The following FLNC variants were observed in gnomAD, a reference collection of about 807,000 sequenced individuals.
FLNC encodes the protein filamin-C.
A neutral mutation model predicts 254.3 loss-of-function variants in FLNC; 91 were observed. The ratio of observed to expected loss-of-function variants is 0.36; its 90% confidence interval spans 0.30 to 0.43. FLNC has a LOEUF of 0.43. Among genes scored for constraint, FLNC ranks in the 20% least tolerant of loss-of-function variants. The probability of loss-of-function intolerance (pLI) is 1.00; values close to 1 mark genes in which losing one functional copy is unlikely to be tolerated. For synonymous variants in FLNC, 1,430 were observed against 1,577.2 expected (o/e 0.91, Z 2.21); for missense variants, 2,853 against 3,802.6 (o/e 0.75, Z 6.57).
chr7:128,854,553 G>C lies in FLNC; in HGVS notation c.6868G>C (p.Val2290Leu). 6.2e-7 allele frequency: 1 copy of C among 1,607,992 alleles called. No homozygotes were observed. Residue 2290 changes from valine to leucine, a missense_variant, in exon 41 of 48, where the codon GTC becomes CTC. By Grantham distance (32) the Val-to-Leu change is conservative. Around this residue, in one of 10 missense-constraint regions of FLNC, gnomAD observed 551 missense variants for 835.0 expected, o/e 0.66. Transcript: ENST00000325888. ...PQEMGPHTVA[V>L]KYRGQHVPGS... Reference sequence around the variant, plus strand: ...GGAAATGGGGCCCCATACGGTCGCTGTCAAGTACCGTGGCCAGCACGTGCC... The same window carrying C: ...GGAAATGGGGCCCCATACGGTCGCTCTCAAGTACCGTGGCCAGCACGTGCC...
Position 128,842,514 on chromosome 7 carries a change from G to T in FLNC, c.2266-61G>T. On this transcript the variant is annotated intron_variant, in intron 14 of 47. Transcript: ENST00000325888. This position sits in a 1 kb window ranked among gnomAD's most constrained non-coding sequence, Gnocchi z 5.4. ...GTGCCACTGAGGCTGGGCCGGGTGC[G>T]CTGGGCAGGAGGATGAGCCTTGAGG... is the stretch of plus-strand genomic sequence containing the variant. 2 of 1,552,248 alleles carry T rather than the reference G, an allele frequency of 1.3e-6. No individual in the cohort carries two copies. Among genetic ancestry groups the T allele is most frequent in the Non-Finnish European group, 1.7e-6 (2 of 1,148,154 alleles).
chr7:128,843,607 C>G (rs369532954), intron 18 of FLNC, 30 bp downstream of exon 18: 6 of 1,612,738 alleles, frequency 3.7e-6, no homozygotes, highest in Non-Finnish European at 5.1e-6. Context: ...TGCTACCGCC[C>G]GGCCGGCCCG....
In FLNC at chr7:128,844,375, G is replaced by A. The variant is rs1000259870; in HGVS notation, c.3192+109G>A. On this transcript the variant is annotated intron_variant, in intron 20 of 47. Transcript: ENST00000325888. The stretch of plus-strand genomic sequence containing the variant: ...GACTTATGTGCCTGGAGTGGGCACA[G>A]CCAAGGGTGTGGGGCTGAGGCCAGC... 2.4e-5 allele frequency: 33 copies of A among 1,348,648 alleles called. No homozygotes were observed. In the African/African-American group the frequency reaches 4.2e-4, roughly 17 times the overall value. The allele number at this position is 1,348,648 out of a possible 1,614,324, so 83.5% of individuals were successfully genotyped here. A position where few individuals can be genotyped will look rare whatever the true frequency, so the allele number is the denominator to read the frequency against.
intron 8 of FLNC, 101 bp downstream of exon 8, chr7:128,838,904 C>A: frequency 1.9e-6 from 2 of 1,064,876 alleles, no homozygotes; most frequent in Non-Finnish European, 2.8e-6. Flanking sequence ...GAGACCCCCT[C>A]CCTGAGTCCT....
intron 3 of FLNC, 31 bp from the exon 4 acceptor site, chr7:128,837,367 C>T (rs755329347): frequency 1.9e-5 from 31 of 1,613,552 alleles, no homozygotes; most frequent in Non-Finnish European, 2.3e-5. Flanking sequence ...GAAAAGAGGG[C>T]GCCATGTGAC....
At chr7:128,850,590 G>C in intron 32 of FLNC, 107 bp downstream of exon 32, 3 of 1,199,610 alleles carry the variant, frequency 2.5e-6, no homozygotes, top group Non-Finnish European at 3.7e-6. Flanking sequence ...GAGGAAGTGA[G>C]CTCTACCCAG....
chr7:128,841,420 C>A lies in FLNC; in HGVS notation c.2008-34C>A. The A allele has an allele frequency of 6.2e-7, 1 of 1,612,250 alleles. No individual in the cohort carries two copies. The highest frequency in any genetic ancestry group is 8.5e-7 in the Non-Finnish European group (1 of 1,178,350). ...GGGGTGGGGCAAGCTGGTTCTCCTC[C>A]CCTCCCCAACTCAGCCTTCTTCCCT... On this transcript the variant is annotated intron_variant, in intron 12 of 47. Coordinates refer to ENST00000325888, the MANE Select transcript of FLNC (RefSeq NM_001458.5). The surrounding 1 kb of genome is among the most constrained non-coding windows in gnomAD (Gnocchi z 4.3).
chr7:128,832,935 T>C (rs757788051), intron 1 of FLNC, among the ~76,000 whole-genome samples: 7 of 152,158 alleles, frequency 4.6e-5, no homozygotes, highest in Non-Finnish European at 1.0e-4. Flanking sequence ...GGAAAGGGGC[T>C]ATCCATGGGG....
rs776920031 is a variant in FLNC at position 128,842,453 on chromosome 7, G to A, written c.2265+79G>A. The A allele has an allele frequency of 1.5e-4, 239 of 1,606,122 alleles. No individual in the cohort carries two copies. Among genetic ancestry groups the A allele is most frequent in the Non-Finnish European group, 2.0e-4 (236 of 1,176,302 alleles). On this transcript the variant is annotated intron_variant, in intron 14 of 47. Transcript: ENST00000325888. The surrounding 1 kb of genome is among the most constrained non-coding windows in gnomAD (Gnocchi z 5.4). The stretch of plus-strand genomic sequence containing the variant: ...CGGAACCCTCGCTGGAGTCCCTGTT[G>A]TCCCTGGGCTCAGGCTGGGACTGAG...
chr7:128,831,551 G>C (rs1172245530), intron 1 of FLNC, among the ~76,000 whole-genome samples: 1 of 152,208 alleles, frequency 6.6e-6, no homozygotes, highest in Non-Finnish European at 1.5e-5. Context: ...AGGCCCGGGG[G>C]CCAGGACAGG....
rs763590899 is a variant in FLNC at position 128,840,959 on chromosome 7, T to C, written c.1802T>C (p.Val601Ala). The C allele has an allele frequency of 1.9e-5, 30 of 1,586,984 alleles. No homozygotes were observed. The Admixed American group carries it at 2.3e-4, about 12-fold the overall frequency. Residue 601 changes from valine (V) to alanine (A), a missense_variant, in exon 11 of 48, where the codon GTG becomes GCG. Physicochemically the swap from Val to Ala is moderately conservative, Grantham distance 64 (BLOSUM62 0). Coordinates refer to ENST00000325888, the MANE Select transcript of FLNC (RefSeq NM_001458.5). ...GTGGTGGAAGCCATTGGCACCGAGGTGGGGACACTGGGTAAGTGGCTGGGG... is the reference window on the plus strand; with the variant it reads ...GTGGTGGAAGCCATTGGCACCGAGGCGGGGACACTGGGTAAGTGGCTGGGG... ...DFVVEAIGTE[V>A]GTLGFSIEGP...
intron 7 of FLNC, 72 bp downstream of exon 7, chr7:128,838,501 C>T: frequency 8.9e-7 from 1 of 1,127,676 alleles, no homozygotes; most frequent in Non-Finnish European, 1.3e-6. Context: ...TGGGGGGAGG[C>T]TGGGACAGGG....
rs1808781579 is a variant in FLNC, at chr7:128,850,924, T to A, written c.5520T>A (p.Tyr1840Ter). ...EKGLHQMGIK[Y>*]DGNHIPGSPL... ...GCCTGCACCAGATGGGGATCAAGTA[T>A]GACGGCAACCACATCCCTGGTGAGT... The change falls in exon 33 of 48, where the codon TAT becomes TAA. Residue 1840 changes from tyrosine to a stop codon, truncating the protein, a stop_gained. Transcript: ENST00000325888. LOFTEE classifies it high-confidence loss of function. The A allele has an allele frequency of 6.2e-7, 1 of 1,612,930 alleles. No individual in the cohort carries two copies.
rs1240106078 is a variant in FLNC at position 128,840,984 on chromosome 7, G to A, written c.1813+14G>A. 3 of 1,585,846 alleles carry A rather than the reference G, an allele frequency of 1.9e-6. No individual in the cohort carries two copies. The South Asian group carries it at 3.4e-5, about 18-fold the overall frequency. On this transcript the variant is annotated intron_variant, in intron 11 of 47. Transcript: ENST00000325888. Reference sequence around the variant, plus strand: ...TGGGGACACTGGGTAAGTGGCTGGGGGGCAGGAGGAGGGAGTGCTGCGGGG... The same window carrying A: ...TGGGGACACTGGGTAAGTGGCTGGGAGGCAGGAGGAGGGAGTGCTGCGGGG...
chr7:128,852,295 T>TA (rs1808850933), intron 35 of FLNC, among the ~76,000 whole-genome samples: 1 of 152,204 alleles, frequency 6.6e-6, no homozygotes, highest in South Asian at 2.1e-4. Context: ...AGTCTAGTGT[T>TA]TTGTTATCAC....
intron 6 of FLNC, 93 bp downstream of exon 6, chr7:128,838,157 C>A: frequency 6.7e-7 from 1 of 1,485,174 alleles, no homozygotes; most frequent in African/African-American, 1.4e-5. Context: ...CTCGCGCCTG[C>A]CCAGAGCCCC....
chr7:128,853,340 C>A lies in FLNC; in HGVS notation c.6209-129C>A, dbSNP rs1563002793. The A allele has an allele frequency of 5.8e-6, 7 of 1,200,520 alleles. No homozygotes were observed. The East Asian group carries it at 1.3e-4, about 22-fold the overall frequency. 74.4% of individuals were successfully genotyped at this position (1,200,520 alleles called of 1,614,324 possible). On this transcript the variant is annotated intron_variant, in intron 37 of 47. Transcript: ENST00000325888. ...TGGTGCCCCCGCTCCTCCCACTGAG[C>A]CATTTTTGTTAGTGGTCACTACACA... is the stretch of plus-strand genomic sequence containing the variant.
rs1209857554 is a variant in FLNC, at chr7:128,850,453, C to A, written c.5368C>A (p.Pro1790Thr). The change falls in exon 32 of 48, where the codon CCC (proline) becomes ACC (threonine). Residue 1790 changes from proline (P) to threonine (T), a missense_variant. Pro to Thr is a conservative substitution (Grantham distance 38). Transcript: ENST00000325888. ...SMLRPFNLVI[P>T]FAVQKGELTG... The stretch of plus-strand genomic sequence containing the variant: ...GCTGAGGCCCTTCAACCTGGTCATC[C>A]CCTTCGCGGTGCAGAAAGGGGAGCT... The A allele has an allele frequency of 6.2e-7, 1 of 1,613,866 alleles. No homozygotes were observed. Among genetic ancestry groups the A allele is most frequent in the Non-Finnish European group, 8.5e-7 (1 of 1,179,990 alleles).
Position 128,851,252 on chromosome 7 carries a change from G to A in FLNC, c.5560G>A (p.Val1854Met). ...HIPGSPLQFYVDAINSRHVSA... is the reference protein window; with the variant it reads ...HIPGSPLQFYMDAINSRHVSA... ...CCCAGGGAGCCCCTTACAGTTCTAT[G>A]TGGATGCCATCAACAGCCGCCATGT... Residue 1854 changes from valine (V) to methionine (M), a missense_variant, in exon 34 of 48, where the codon GTG becomes ATG. By Grantham distance (21) the Val-to-Met change is conservative. Around this residue, in one of 10 missense-constraint regions of FLNC, gnomAD observed 551 missense variants for 835.0 expected, o/e 0.66. Coordinates refer to ENST00000325888, the MANE Select transcript of FLNC (RefSeq NM_001458.5). 1 of 1,614,024 alleles carries A rather than the reference G, an allele frequency of 6.2e-7. No homozygotes were observed. The highest frequency in any genetic ancestry group is 8.5e-7 in the Non-Finnish European group (1 of 1,180,008).
Sources: allele counts gnomAD v4.1 joint callset (sites outside exome capture counted in the v4.1 genomes callset), GRCh38; gene constraint gnomAD v4.1.1; regional missense constraint gnomAD v4.1.1; non-coding constraint Gnocchi (gnomAD v3.1); transcripts MANE v1.5; gene names NCBI Gene and HGNC (gene_info 2026-07-23, HGNC 2026-07-21).